PCDH11X: variants seen among roughly 807,000 people sequenced by gnomAD.
PCDH11X encodes protocadherin 11 X-linked.
PCDH11X carries 18 observed loss-of-function variants against 53.3 expected under a neutral mutation model. The ratio of observed to expected loss-of-function variants is 0.34; its 90% CI spans 0.23 to 0.50. The LOEUF is 0.50. PCDH11X is among the 20% of genes least tolerant of loss of function. PCDH11X has a pLI of 0.98. For synonymous variants in PCDH11X, 279 were observed against 393.3 expected (o/e 0.71, Z 3.44); for missense variants, 570 against 1,032.4 (o/e 0.55, Z 6.14).
intron 8 of PCDH11X, among the ~76,000 whole-genome samples, chrX:92,363,385 A>C (rs2070390757): frequency 9.0e-6 from 1 of 111,243 alleles, no homozygotes; most frequent in South Asian, 3.7e-4. Context: ...AGGTTTATAC[A>C]TACATATATT....
intron 8 of PCDH11X, among the ~76,000 whole-genome samples, chrX:92,319,435 G>T (rs1252024113): frequency 8.9e-6 from 1 of 112,504 alleles, no homozygotes; most frequent in African/African-American, 3.2e-5. Flanking sequence ...AAATAATTTG[G>T]ATTGAATTCT....
intron 6 of PCDH11X, among the ~76,000 whole-genome samples, chrX:91,966,152 A>ATTTTT (rs202233727): frequency 2.0e-5 from 2 of 102,145 alleles, no homozygotes; most frequent in African/African-American, 7.2e-5. Flanking sequence ...CAGTTCTTTG[A>ATTTTT]TTTTTTTTTT....
intron 10 of PCDH11X, among the ~76,000 whole-genome samples, chrX:92,603,556 T>G (rs1276948571): frequency 9.4e-6 from 1 of 106,305 alleles, no homozygotes; most frequent in Non-Finnish European, 1.9e-5. Flanking sequence ...ATAAGAAAAT[T>G]TTGGAGGGAA....
chrX:92,420,961 G>C (rs953427906), intron 9 of PCDH11X, among the ~76,000 whole-genome samples: 1 of 111,199 alleles, frequency 9.0e-6, no homozygotes, highest in East Asian at 2.8e-4. Flanking sequence ...ACTGTTTCCT[G>C]AAGCTCTTCT....
chrX:92,257,345 C>T (rs1184527138), intron 7 of PCDH11X, among the ~76,000 whole-genome samples: 2 of 110,920 alleles, frequency 1.8e-5, no homozygotes, highest in Non-Finnish European at 3.8e-5. Flanking sequence ...GGGCACTGAT[C>T]GAAACCATAT....
chrX:92,487,048 C>CTTTTTTTTTTTTTTTTTTTTTTTTT (rs758641899), intron 10 of PCDH11X, among the ~76,000 whole-genome samples: 2 of 67,817 alleles, frequency 2.9e-5, no homozygotes, highest in African/African-American at 6.3e-5. Flanking sequence ...AATATGCTTC[C>CTTTTTTTTTTTTTTTTTTTTTTTTT]TTTTTTTTTT....
intron 6 of PCDH11X, among the ~76,000 whole-genome samples, chrX:92,042,935 G>T (rs779835923): frequency 9.1e-6 from 1 of 109,892 alleles, no homozygotes; most frequent in East Asian, 2.9e-4. Flanking sequence ...CACCGCGCCC[G>T]GCCGTTGATC....
At chrX:92,546,831 G>T (rs2074863529) in intron 10 of PCDH11X, among the ~76,000 whole-genome samples, 1 of 111,944 alleles carries the variant, frequency 8.9e-6, no homozygotes, top group African/African-American at 3.3e-5. Flanking sequence ...GTGAGCTTTA[G>T]ATACTGCCCT....
Position 91,883,960 on chromosome X carries a change from T to C in PCDH11X, c.3033+4687T>C, listed in dbSNP as rs2563403. On this transcript the variant is annotated intron_variant, in intron 6 of 10. Transcript: ENST00000682573. ...ATCCCAGCACTTTGGGAGGCCGAGG[T>C]GGGTGGATCACCTGAGGTCAGGAGT... The C allele has an allele frequency of 0.022, 15,265 of 681,315 alleles. 2,073 individuals are homozygous for C. In the African/African-American group the frequency reaches 0.35, roughly 16 times the overall value. 56.1% of individuals were successfully genotyped at this position (681,315 alleles called of 1,213,427 possible). A position where few individuals can be genotyped will look rare whatever the true frequency, so the allele number is the denominator to read the frequency against.
intron 6 of PCDH11X, among the ~76,000 whole-genome samples, chrX:92,111,886 A>G (rs1370323960): frequency 9.1e-6 from 1 of 109,779 alleles, no homozygotes; most frequent in Non-Finnish European, 1.9e-5. Flanking sequence ...CCTCCCGAGT[A>G]GCTGGGACTA....
chrX:92,472,370 C>CTTT lies in PCDH11X; in HGVS notation c.3367+4067_3367+4069dup, dbSNP rs750331340. On this transcript the variant is annotated intron_variant, in intron 10 of 10. Coordinates refer to ENST00000682573, the MANE Select transcript of PCDH11X (RefSeq NM_032968.5). ...TGAATAGAAAATCCTTTCTTCAGAG[C>CTTT]TTTTTTTTTTTTTTTTTTTTTGGTC... is the stretch of plus-strand genomic sequence containing the variant. 5.5e-4 allele frequency among the ~76,000 whole-genome samples: 29 copies of CTTT among 52,507 alleles called. 1 individual carries two copies. The highest frequency in any genetic ancestry group is 1.0e-3 in the East Asian group (2 of 1,970). The allele number at this position is 52,507 out of a possible 115,157, so 45.6% of individuals were successfully genotyped here.
chrX:92,052,088 T>C (rs1474908518), intron 6 of PCDH11X, among the ~76,000 whole-genome samples: 2 of 111,284 alleles, frequency 1.8e-5, no homozygotes, highest in Non-Finnish European at 3.8e-5. Context: ...AAATCATTCT[T>C]ATCCCCACAG....
chrX:92,490,722 A>G (rs867557504), intron 10 of PCDH11X, among the ~76,000 whole-genome samples: 4 of 94,997 alleles, frequency 4.2e-5, no homozygotes, highest in Non-Finnish European at 6.2e-5. Context: ...GAAAGAAAGA[A>G]AGAAAGAGAG....
intron 6 of PCDH11X, among the ~76,000 whole-genome samples, chrX:92,064,487 A>AAAATAAATAAAT (rs3084448): frequency 1.7e-3 from 154 of 89,888 alleles, no homozygotes; most frequent in South Asian, 1.2e-3. Context: ...ACACAAATTA[A>AAAATAAATAAAT]AAATAAATAA....
intron 6 of PCDH11X, among the ~76,000 whole-genome samples, chrX:91,972,589 G>T (rs1319284182): frequency 1.9e-5 from 2 of 107,867 alleles, no homozygotes; most frequent in Non-Finnish European, 3.8e-5. Context: ...TAGGTCTAAC[G>T]TTTAAGTCTT....
chrX:92,510,094 A>G (rs971225597), intron 10 of PCDH11X, among the ~76,000 whole-genome samples: 2 of 103,981 alleles, frequency 1.9e-5, no homozygotes, highest in African/African-American at 6.7e-5. Context: ...AACCTGCAGT[A>G]TACAATTTCA....
rs193086588 is a variant in PCDH11X, at chrX:92,019,123, G to A, written c.3033+139850G>A. Among the ~76,000 whole-genome samples, 227 of 110,143 alleles carry A rather than the reference G, an allele frequency of 2.1e-3. 1 individual carries two copies. Among genetic ancestry groups the A allele is most frequent in the African/African-American group, 7.3e-3 (223 of 30,369 alleles). On this transcript the variant is annotated intron_variant, in intron 6 of 10. Coordinates refer to ENST00000682573, the MANE Select transcript of PCDH11X (RefSeq NM_032968.5). ...GGAAAGTCACAGAAGCTGGGCTGAA[G>A]AGGAAGGAAGCTGGAAACACTGCAT...
At chrX:92,354,789 AG>A (rs1304391412) in intron 8 of PCDH11X, among the ~76,000 whole-genome samples, 1 of 111,936 alleles carries the variant, frequency 8.9e-6, no homozygotes, top group Non-Finnish European at 1.9e-5. Context: ...AAAGGCACAA[AG>A]AAAAATTCTC....
chrX:92,064,938 T>C (rs1344896174), intron 6 of PCDH11X, among the ~76,000 whole-genome samples: 1 of 103,954 alleles, frequency 9.6e-6, no homozygotes, highest in Non-Finnish European at 1.9e-5. Context: ...ATCAGGGACA[T>C]TGGGGGTGCA....
Sources: gnomAD v4.1 joint callset for allele counts (sites outside exome capture counted in the v4.1 genomes callset) on GRCh38, gnomAD v4.1.1 for gene constraint, MANE v1.5 for transcripts, NCBI Gene and HGNC (gene_info 2026-07-23, HGNC 2026-07-21) for gene names.